Variants in ABCA7 observed in about 807,000 individuals in gnomAD.
The protein encoded by ABCA7 is ATP binding cassette subfamily A member 7, also known as phospholipid-transporting ATPase ABCA7.
ABCA7 carries 261 observed loss-of-function variants against 227.6 expected under a neutral mutation model. That is an observed-to-expected ratio of 1.15 (90% confidence interval 1.04 to 1.27). The LOEUF (loss-of-function observed/expected upper bound fraction) is 1.27, where lower values mean the gene tolerates loss of function less well. ABCA7 is among the 50% of genes most tolerant of loss of function. ABCA7 has a pLI of 0.00. For missense variants in ABCA7, 3,331 were observed against 2,924.5 expected (o/e 1.14, Z -3.21); for synonymous variants, 1,488 against 1,279.7 (o/e 1.16, Z -3.47).
Position 1,045,159 on chromosome 19 carries a change from G to T in ABCA7, c.1373G>T (p.Gly458Val), listed in dbSNP as rs368091301. The T allele has an allele frequency of 1.2e-6, 2 of 1,611,222 alleles. No homozygotes were observed. The highest frequency in any genetic ancestry group is 2.7e-5 in the African/African-American group (2 of 74,870). ...DPTEHPTPDL[G>V]PGHVRIKIRM... Reference sequence around the variant, plus strand: ...ACAGAGCACCCAACCCCAGACCTGGGCCCCGGCCACGTGCGCATCAAAATC... The same window carrying T: ...ACAGAGCACCCAACCCCAGACCTGGTCCCCGGCCACGTGCGCATCAAAATC... The change falls in exon 12 of 47, where the codon GGC becomes GTC. Residue 458 changes from glycine (G) to valine (V), a missense_variant. Transcript: ENST00000263094.
At chr19:1,051,670 G>A in intron 21 of ABCA7, 84 bp downstream of exon 21, 3 of 1,382,678 alleles carry the variant, frequency 2.2e-6, no homozygotes, top group Non-Finnish European at 3.0e-6. Context: ...GGAATGAGTA[G>A]GAGTTTGCTA....
chr19:1,044,328 A>G (rs1195586371), intron 10 of ABCA7, among the ~76,000 whole-genome samples: 1 of 145,054 alleles, frequency 6.9e-6, no homozygotes, highest in Non-Finnish European at 1.5e-5. Context: ...GCTCACTGCA[A>G]CCTCCGCCTC....
rs377401443 is a variant in ABCA7 at position 1,041,906 on chromosome 19, A to C, written c.236A>C (p.Asn79Thr). ...WLQGLICNVN[N>T]TCFPQLTPGE... ...CAGGGTCTCATCTGTAATGTGAACA[A>C]CACCTGCTTTCCGCAGCTGACACCG... Residue 79 changes from asparagine to threonine, a missense_variant, in exon 4 of 47, where the codon AAC (asparagine) becomes ACC (threonine). Asn to Thr is a moderately conservative substitution (Grantham distance 65, BLOSUM62 0). Transcript: ENST00000263094. The C allele has an allele frequency of 5.5e-5, 88 of 1,601,718 alleles. No individual in the cohort carries two copies. In the African/African-American group the frequency reaches 1.1e-3, roughly 19 times the overall value.
Position 1,049,497 on chromosome 19 carries a change from C to CA in ABCA7, c.2552+61dup, listed in dbSNP as rs1555688419. 2 of 488,396 alleles carry CA rather than the reference C, an allele frequency of 4.1e-6. 1 individual carries two copies. Among genetic ancestry groups the CA allele is most frequent in the Non-Finnish European group, 5.7e-6 (2 of 353,700 alleles). The allele number at this position is 488,396 out of a possible 1,614,324, so 30.3% of individuals were successfully genotyped here. A position where few individuals can be genotyped will look rare whatever the true frequency, so the allele number is the denominator to read the frequency against. Reference sequence around the variant, plus strand: ...CCCACTCCCACCCCGTGAGCCCCCCCACCACTCCCTCCCCGTGAGCCCCCC... The same window carrying CA: ...CCCACTCCCACCCCGTGAGCCCCCCCAACCACTCCCTCCCCGTGAGCCCCCC... On this transcript the variant is annotated intron_variant, in intron 18 of 46. Coordinates refer to ENST00000263094, the MANE Select transcript of ABCA7 (RefSeq NM_019112.4).
In ABCA7 at chr19:1,051,975, A is replaced by C. The variant is rs771324033; in HGVS notation, c.2996A>C (p.Asp999Ala). ...RTLILSTHHL[D>A]EAELLGDRVA... ...CTGATCCTCTCCACCCACCACCTGG[A>C]TGAGGCAGAGCTGCTGGGAGACCGT... Residue 999 changes from aspartate (D) to alanine (A), a missense_variant, in exon 22 of 47, where the codon GAT (aspartate) becomes GCT (alanine). Physicochemically the swap from Asp to Ala is moderately radical, Grantham distance 126. Transcript: ENST00000263094. 16 of 1,612,130 alleles carry C rather than the reference A, an allele frequency of 9.9e-6. No individual in the cohort carries two copies. Among genetic ancestry groups the C allele is most frequent in the Admixed American group, 1.7e-5 (1 of 60,002 alleles).
intron 30 of ABCA7, 148 bp downstream of exon 30, chr19:1,055,499 CTTT>C (rs397709972): frequency 0.028 from 11,614 of 420,376 alleles, no homozygotes; most frequent in East Asian, 0.033. Context: ...TTCCTTTCCT[CTTT>C]TTTTTTTTTT....
At position 1,065,076 on chromosome 19, in the gene ABCA7, C is replaced by T. The variant is rs1455945353; in HGVS notation, c.6190C>T (p.Arg2064Cys). Residue 2064 changes from arginine to cysteine, a missense_variant, in exon 46 of 47, where the codon CGC becomes TGC. Physicochemically the swap from Arg to Cys is radical, Grantham distance 180. Transcript: ENST00000263094. ...GCGCTTCCAGCTGCCGCCGGGAGGG[C>T]GCTGCGCCCTGGCGCGCGTCTTTGG... is the stretch of plus-strand genomic sequence containing the variant. ...RLRFQLPPGGRCALARVFGEL... is the reference protein window; with the variant it reads ...RLRFQLPPGGCCALARVFGEL... The T allele has an allele frequency of 1.9e-6, 3 of 1,568,464 alleles. No homozygotes were observed. Among genetic ancestry groups the T allele is most frequent in the Non-Finnish European group, 2.6e-6 (3 of 1,158,206 alleles).
Position 1,064,928 on chromosome 19 carries a change from C to A in ABCA7, c.6045-3C>A. 6.4e-7 allele frequency: 1 copy of A among 1,557,488 alleles called. No individual in the cohort carries two copies. Among genetic ancestry groups the A allele is most frequent in the South Asian group, 1.2e-5 (1 of 84,584 alleles). ...CCGGTAGCCCTGGCCCCACTCACTG[C>A]AGATTCGCGGCGGGTCACACACTGA... On this transcript the variant is annotated splice_polypyrimidine_tract_variant and splice_region_variant and intron_variant, in intron 45 of 46. Transcript: ENST00000263094.
chr19:1,055,974 A>C (rs1752815074), intron 31 of ABCA7, 35 bp downstream of exon 31: 3 of 1,572,228 alleles, frequency 1.9e-6, no homozygotes, highest in Admixed American at 1.8e-5. Context: ...CCCCTGCCCC[A>C]GTTCCACTCC....
rs1183125459 is a variant in ABCA7 at position 1,043,808 on chromosome 19, C to A, written c.1014C>A (p.Phe338Leu). ...WEMLGPRIFTFMNDSSNVAML... is the reference protein window; with the variant it reads ...WEMLGPRIFTLMNDSSNVAML... The stretch of plus-strand genomic sequence containing the variant: ...TGCTGGGACCCCGGATCTTCACCTT[C>A]ATGAACGACAGTTCCAATGTGGCCA... Residue 338 changes from phenylalanine (F) to leucine (L), a missense_variant, in exon 10 of 47, where the codon TTC becomes TTA. Phe to Leu is a conservative substitution (Grantham distance 22, BLOSUM62 0). Transcript: ENST00000263094. 3 of 1,613,098 alleles carry A rather than the reference C, an allele frequency of 1.9e-6. No homozygotes were observed. In the South Asian group the frequency reaches 3.3e-5, roughly 18 times the overall value.
In ABCA7 at chr19:1,049,349, C is replaced by G. The variant is rs1399445850; in HGVS notation, c.2464C>G (p.Pro822Ala). ...LEKRFPGSPQPALRGLSLDFY... is the reference protein window; with the variant it reads ...LEKRFPGSPQAALRGLSLDFY... ...GAAGCGCTTTCCTGGAAGCCCGCAG[C>G]CAGCCCTGCGGGGGCTCAGCCTGGA... The change falls in exon 18 of 47, where the codon CCA becomes GCA. Residue 822 changes from proline to alanine, a missense_variant. Transcript: ENST00000263094. 8.7e-6 allele frequency: 14 copies of G among 1,611,612 alleles called. No homozygotes were observed. Among genetic ancestry groups the G allele is most frequent in the Non-Finnish European group, 1.1e-5 (13 of 1,179,248 alleles).
In ABCA7 at chr19:1,063,790, G is replaced by C; in HGVS notation, c.5878G>C (p.Ala1960Pro). 6.5e-7 allele frequency: 1 copy of C among 1,547,008 alleles called. No homozygotes were observed. Among genetic ancestry groups the C allele is most frequent in the Non-Finnish European group, 8.7e-7 (1 of 1,145,740 alleles). Residue 1960 changes from alanine to proline, a missense_variant, in exon 44 of 47, where the codon GCG (alanine) becomes CCG (proline). Physicochemically the swap from Ala to Pro is conservative, Grantham distance 27. Coordinates refer to ENST00000263094, the MANE Select transcript of ABCA7 (RefSeq NM_019112.4). ...GCCGACCACAGGCATGGACCCCAGCGCGCGGCGCTTCCTTTGGAACAGCCT... is the reference window on the plus strand; with the variant it reads ...GCCGACCACAGGCATGGACCCCAGCCCGCGGCGCTTCCTTTGGAACAGCCT... ...DEPTTGMDPSARRFLWNSLLA... is the reference protein window; with the variant it reads ...DEPTTGMDPSPRRFLWNSLLA...
chr19:1,058,686 C>G lies in ABCA7; in HGVS notation c.5218C>G (p.Gln1740Glu), dbSNP rs146448899. 1.2e-6 allele frequency: 2 copies of G among 1,613,886 alleles called. No individual in the cohort carries two copies. The highest frequency in any genetic ancestry group is 1.1e-5 in the South Asian group (1 of 91,082). The change falls in exon 38 of 47, where the codon CAG becomes GAG. Residue 1740 changes from glutamine (Q) to glutamate (E), a missense_variant. Gln to Glu is a conservative substitution (Grantham distance 29). Coordinates refer to ENST00000263094, the MANE Select transcript of ABCA7 (RefSeq NM_019112.4). ...VGKNLLAMVI[Q>E]GPLFLLFTLL... ...CAAGAACCTCTTGGCCATGGTGATA[C>G]AGGGGCCCCTCTTCCTTCTCTTCAC...
At chr19:1,060,213 T>TTTTTTTC (rs1568408786) in intron 40 of ABCA7, among the ~76,000 whole-genome samples, 1 of 135,784 alleles carries the variant, frequency 7.4e-6, no homozygotes, top group African/African-American at 3.7e-5. Flanking sequence ...ATATATTTTT[T>TTTTTTTC]TTTCTTTTTT....
chr19:1,046,109 C>T, intron 12 of ABCA7, 121 bp from the exon 13 acceptor site: 1 of 1,152,464 alleles, frequency 8.7e-7, no homozygotes, highest in African/African-American at 1.5e-5. Context: ...GCTATGATTG[C>T]AGCTCTTCAC....
At position 1,064,968 on chromosome 19, in the gene ABCA7, G is replaced by A. The variant is rs1052259243; in HGVS notation, c.6082G>A (p.Ala2028Thr). The change falls in exon 46 of 47, where the codon GCC becomes ACC. Residue 2028 changes from alanine (A) to threonine (T), a missense_variant. Physicochemically the swap from Ala to Thr is moderately conservative, Grantham distance 58 (BLOSUM62 0). Transcript: ENST00000263094. ...TCACACACTGACCCTGCGGGTGCCCGCCGCAAGGTCCCAGCCGGCAGCGGC... is the reference window on the plus strand; with the variant it reads ...TCACACACTGACCCTGCGGGTGCCCACCGCAAGGTCCCAGCCGGCAGCGGC... ...AGHTLTLRVP[A>T]ARSQPAAAFV... 1.9e-6 allele frequency: 3 copies of A among 1,549,724 alleles called. No individual in the cohort carries two copies. The highest frequency in any genetic ancestry group is 1.9e-4 in the Middle Eastern group (1 of 5,176).
In ABCA7 at chr19:1,054,153, C is replaced by G. The variant is rs762249202; in HGVS notation, c.3578-40C>G. 3.1e-6 allele frequency: 5 copies of G among 1,612,348 alleles called. No homozygotes were observed. Among genetic ancestry groups the G allele is most frequent in the Admixed American group, 3.3e-5 (2 of 59,970 alleles). ...GCCCTGGGGTCCTCCCAGCCACCCC[C>G]CCACAGCAGCGTGAGCACTGACCCT... On this transcript the variant is annotated intron_variant, in intron 26 of 46. Coordinates refer to ENST00000263094, the MANE Select transcript of ABCA7 (RefSeq NM_019112.4). This position sits in a 1 kb window ranked among gnomAD's most constrained non-coding sequence, Gnocchi z 4.8.
Position 1,047,163 on chromosome 19 carries a change from G to A in ABCA7, c.1852G>A (p.Asp618Asn), listed in dbSNP as rs777234920. 8.1e-6 allele frequency: 13 copies of A among 1,602,182 alleles called. No homozygotes were observed. The highest frequency in any genetic ancestry group is 1.1e-5 in the South Asian group (1 of 89,812). Residue 618 changes from aspartate to asparagine, a missense_variant, in exon 15 of 47, where the codon GAC (aspartate) becomes AAC (asparagine). Transcript: ENST00000263094. Reference sequence around the variant, plus strand: ...CTCCCGTTGCCTCTCACAGCTGGGAGACATCCTCCCCTACAGCCACCCGGG... The same window carrying A: ...CTCCCGTTGCCTCTCACAGCTGGGAAACATCCTCCCCTACAGCCACCCGGG... ...ALLVLVLKLGDILPYSHPGVV... is the reference protein window; with the variant it reads ...ALLVLVLKLGNILPYSHPGVV...
At position 1,055,289 on chromosome 19, in the gene ABCA7, C is replaced by A. The variant is rs771114322; in HGVS notation, c.4143C>A (p.Asn1381Lys). The A allele has an allele frequency of 5.0e-6, 8 of 1,604,608 alleles. No individual in the cohort carries two copies. The highest frequency in any genetic ancestry group is 6.8e-6 in the Non-Finnish European group (8 of 1,176,882). ...CCGGCTCTGGGGAAGTGGTTCAGAA[C>A]CTGACAGGCCGGAACCTGTCTGACT... ...AVTGSGEVVQ[N>K]LTGRNLSDFL... The change falls in exon 30 of 47, where the codon AAC becomes AAA. Residue 1381 changes from asparagine (N) to lysine (K), a missense_variant. Physicochemically the swap from Asn to Lys is moderately conservative, Grantham distance 94. Transcript: ENST00000263094.
Sources: gnomAD v4.1 joint callset for allele counts (sites outside exome capture counted in the v4.1 genomes callset) on GRCh38, gnomAD v4.1.1 for gene constraint, Gnocchi (gnomAD v3.1) non-coding constraint, MANE v1.5 for transcripts, NCBI Gene and HGNC (gene_info 2026-07-23, HGNC 2026-07-21) for gene names.